The following BANP variants were observed in gnomAD, a reference collection of about 807,000 sequenced individuals.
BANP encodes the protein protein BANP.
Under a neutral mutation model 68.1 loss-of-function variants are expected in BANP, and 11 were observed. That is an observed-to-expected ratio of 0.16 (90% confidence interval 0.10 to 0.27). The LOEUF (loss-of-function observed/expected upper bound fraction) is 0.27, where lower values mean the gene tolerates loss of function less well. Ranked by LOEUF, BANP falls within the 10% of genes least tolerant of loss-of-function variation. The probability of loss-of-function intolerance (pLI) is 1.00; values close to 1 mark genes in which losing one functional copy is unlikely to be tolerated. For synonymous variants in BANP, 329 were observed against 303.2 expected (o/e 1.09, Z -0.88); for missense variants, 504 against 722.7 (o/e 0.70, Z 3.47).
At position 88,033,102 on chromosome 16, in the gene BANP, C is replaced by G; in HGVS notation, c.1064-7C>G. On this transcript the variant is annotated splice_polypyrimidine_tract_variant and splice_region_variant and intron_variant, in intron 8 of 13. Transcript: ENST00000682872. ...GTTCACCCCGTTCACACCTGTTGCC[C>G]CCACAGAGCCGATGATGAGCACCCC... is the stretch of plus-strand genomic sequence containing the variant. The G allele has an allele frequency of 6.3e-7, 1 of 1,594,214 alleles. No individual in the cohort carries two copies. The highest frequency in any genetic ancestry group is 8.6e-7 in the Non-Finnish European group (1 of 1,166,042).
chr16:88,075,575 G>A (rs1265122170), intron 13 of BANP, among the ~76,000 whole-genome samples: 3 of 152,144 alleles, frequency 2.0e-5, no homozygotes, highest in South Asian at 2.1e-4. Context: ...GGGCTCGGCC[G>A]TGGGCTCGTG....
In BANP at chr16:88,003,629, C is replaced by T; in HGVS notation, c.363-666C>T. ...CTGTCTGAACACACTCGTGCTTCCT[C>T]CAGGGTGGCGCCAGGCTTGCTGGTT... On this transcript the variant is annotated intron_variant, in intron 4 of 13. Transcript: ENST00000682872. The surrounding 1 kb of genome is among the most constrained non-coding windows in gnomAD (Gnocchi z 6.1). The T allele has an allele frequency of 2.3e-6, 1 of 429,554 alleles. No individual in the cohort carries two copies. The highest frequency in any genetic ancestry group is 4.7e-6 in the Non-Finnish European group (1 of 213,396). The allele number at this position is 429,554 out of a possible 1,614,324, so 26.6% of individuals were successfully genotyped here. A position where few individuals can be genotyped will look rare whatever the true frequency, so the allele number is the denominator to read the frequency against.
chr16:88,019,489 G>T (rs971880650), intron 7 of BANP, among the ~76,000 whole-genome samples: 1 of 149,950 alleles, frequency 6.7e-6, no homozygotes, highest in African/African-American at 2.4e-5. Flanking sequence ...ATCTGATCTC[G>T]AAACAGGGCG....
At chr16:88,037,832 A>T in intron 10 of BANP, 141 bp from the exon 11 acceptor site, 1 of 744,088 alleles carries the variant, frequency 1.3e-6, no homozygotes, top group Non-Finnish European at 2.4e-6. Context: ...TTTTGTTGCT[A>T]CTGGAGGTTG....
chr16:88,005,556 A>G (rs1467687233), intron 5 of BANP, among the ~76,000 whole-genome samples: 1 of 152,166 alleles, frequency 6.6e-6, no homozygotes, highest in Non-Finnish European at 1.5e-5. Flanking sequence ...CCACATCAGC[A>G]GCCCTTGGGA....
chr16:88,070,146 AGCACACAAAATACCT>A (rs2089950734), intron 12 of BANP, among the ~76,000 whole-genome samples: 1 of 152,246 alleles, frequency 6.6e-6, no homozygotes, highest in Non-Finnish European at 1.5e-5. Flanking sequence ...TGGTACACAC[AGCACACAAAATACCT>A]GCTCATTGAC....
At chr16:88,025,388 G>T (rs1325378713) in intron 7 of BANP, among the ~76,000 whole-genome samples, 3 of 152,210 alleles carry the variant, frequency 2.0e-5, no homozygotes, top group South Asian at 2.1e-4. Context: ...TTCCTGAGGC[G>T]CCCGAGTCAC....
At position 88,004,235 on chromosome 16, in the gene BANP, T is replaced by C; in HGVS notation, c.363-60T>C. The C allele has an allele frequency of 9.7e-7, 1 of 1,034,820 alleles. No individual in the cohort carries two copies. Among genetic ancestry groups the C allele is most frequent in the South Asian group, 1.4e-5 (1 of 73,550 alleles). The allele number at this position is 1,034,820 out of a possible 1,614,324, so 64.1% of individuals were successfully genotyped here. A position where few individuals can be genotyped will look rare whatever the true frequency, so the allele number is the denominator to read the frequency against. On this transcript the variant is annotated intron_variant, in intron 4 of 13. Transcript: ENST00000682872. The surrounding 1 kb of genome is among the most constrained non-coding windows in gnomAD (Gnocchi z 7.0). ...TGTGTTGAATGACTCTTATGTGCTC[T>C]TACCATGAATGTTGTTGTTTTAAGG...
At chr16:88,040,845 A>G (rs933430553) in intron 11 of BANP, among the ~76,000 whole-genome samples, 1 of 152,360 alleles carries the variant, frequency 6.6e-6, no homozygotes, top group East Asian at 1.9e-4. Flanking sequence ...GAGAACACAA[A>G]GAAATGGACG....
rs1376741445 is a variant in BANP at position 88,071,593 on chromosome 16, T to C, written c.1378-476T>C. The C allele has an allele frequency of 2.2e-6, 1 of 458,334 alleles. No homozygotes were observed. The highest frequency in any genetic ancestry group is 4.4e-6 in the Non-Finnish European group (1 of 228,156). 28.4% of individuals were successfully genotyped at this position (458,334 alleles called of 1,614,324 possible). A position where few individuals can be genotyped will look rare whatever the true frequency, so the allele number is the denominator to read the frequency against. On this transcript the variant is annotated intron_variant, in intron 12 of 13. Coordinates refer to ENST00000682872, the MANE Select transcript of BANP (RefSeq NM_001386991.1). The surrounding 1 kb of genome is among the most constrained non-coding windows in gnomAD (Gnocchi z 6.5). ...CCACCAGCAGCTCCTTTGCTCTCCC[T>C]GAGCCCTTGAGGTCACTCTGCCTTG... is the stretch of plus-strand genomic sequence containing the variant.
rs143626405 is a variant in BANP at position 88,075,662 on chromosome 16, G to A, written c.1522-928G>A. On this transcript the variant is annotated intron_variant, in intron 13 of 13. Transcript: ENST00000682872. ...TGGGAGTGTGCACGGCAGCCCTAGAGTGGGCTCCTCCACCTGGGGCGTGTT... is the reference window on the plus strand; with the variant it reads ...TGGGAGTGTGCACGGCAGCCCTAGAATGGGCTCCTCCACCTGGGGCGTGTT... Among the ~76,000 whole-genome samples, 477 of 152,250 alleles carry A rather than the reference G, an allele frequency of 3.1e-3. 1 individual carries two copies. Among genetic ancestry groups the A allele is most frequent in the African/African-American group, 0.011 (451 of 41,538 alleles).
chr16:88,034,577 C>G (rs2078900765), intron 9 of BANP, among the ~76,000 whole-genome samples: 2 of 136,190 alleles, frequency 1.5e-5, no homozygotes, highest in South Asian at 2.6e-4. Context: ...TGAGTGTAGG[C>G]ACGCCAACAG....
chr16:88,048,099 T>G (rs2082416401), intron 11 of BANP, among the ~76,000 whole-genome samples: 1 of 152,248 alleles, frequency 6.6e-6, no homozygotes, highest in African/African-American at 2.4e-5. Context: ...GGCCGTGACT[T>G]TGTCATACCA....
At chr16:88,051,094 C>G (rs1445903436) in intron 11 of BANP, among the ~76,000 whole-genome samples, 1 of 152,262 alleles carries the variant, frequency 6.6e-6, no homozygotes, top group African/African-American at 2.4e-5. Flanking sequence ...TGATCTCTTG[C>G]TGCCACAGCC....
chr16:88,056,453 T>TTC (rs200707328), intron 11 of BANP, among the ~76,000 whole-genome samples: 2 of 118,244 alleles, frequency 1.7e-5, no homozygotes, highest in African/African-American at 2.8e-5. Context: ...GGGAAGCGTA[T>TTC]TCTCTCTCTT....
At chr16:88,027,320 G>A (rs1448590528) in intron 7 of BANP, among the ~76,000 whole-genome samples, 163 bp from the exon 8 acceptor site, 2 of 152,228 alleles carry the variant, frequency 1.3e-5, no homozygotes, top group Non-Finnish European at 1.5e-5. Context: ...AGCACCTTCT[G>A]TGCAGTGGGC....
chr16:87,992,389 T>C (rs1445680974), intron 4 of BANP, among the ~76,000 whole-genome samples: 1 of 152,232 alleles, frequency 6.6e-6, no homozygotes, highest in Non-Finnish European at 1.5e-5. Context: ...CTGCCCCTTA[T>C]TGTCTATTTT....
intron 1 of BANP, among the ~76,000 whole-genome samples, chr16:87,965,576 G>T (rs979286947): frequency 6.6e-6 from 1 of 151,318 alleles, no homozygotes; most frequent in African/African-American, 2.4e-5. Context: ...GAGGCGCAGA[G>T]GGTCCAGGAG....
chr16:88,019,980 C>T (rs2075675631), intron 7 of BANP, among the ~76,000 whole-genome samples: 1 of 152,202 alleles, frequency 6.6e-6, no homozygotes, highest in Non-Finnish European at 1.5e-5. Flanking sequence ...TCCCATGTGC[C>T]ATGTCTTGTC....
Sources: gnomAD v4.1 joint callset for allele counts (sites outside exome capture counted in the v4.1 genomes callset) on GRCh38, gnomAD v4.1.1 for gene constraint, Gnocchi (gnomAD v3.1) non-coding constraint, MANE v1.5 for transcripts, NCBI Gene and HGNC (gene_info 2026-07-23, HGNC 2026-07-21) for gene names.